The following EYA3 variants were observed in gnomAD, a reference collection of about 807,000 sequenced individuals.
EYA3 encodes the protein EYA transcriptional coactivator and phosphatase 3.
Under a neutral mutation model 80.0 loss-of-function variants are expected in EYA3, and 39 were observed. That is an observed-to-expected ratio of 0.49 (90% CI 0.38 to 0.64). The LOEUF is 0.64. Among genes scored for constraint, EYA3 ranks in the 30% least tolerant of loss-of-function variants. The pLI, the probability that EYA3 is intolerant of heterozygous loss-of-function variation, is 0.00. For missense variants in EYA3, 523 were observed against 676.1 expected, an observed-to-expected ratio of 0.77 and a Z score of 2.51; for synonymous variants, 206 against 232.8, an observed-to-expected ratio of 0.88 and a Z score of 1.05.
At chr1:28,068,546 A>T (rs1644913274) in intron 1 of EYA3, among the ~76,000 whole-genome samples, 1 of 151,946 alleles carries the variant, frequency 6.6e-6, no homozygotes, top group Non-Finnish European at 1.5e-5. Context: ...TCCAAAAATA[A>T]CATTCCTTTT....
At chr1:28,050,605 A>G (rs1644209910) in intron 2 of EYA3, among the ~76,000 whole-genome samples, 1 of 152,148 alleles carries the variant, frequency 6.6e-6, no homozygotes, top group Non-Finnish European at 1.5e-5. Flanking sequence ...CATAAATAGA[A>G]AGGGAGAAAA....
chr1:28,021,341 T>TAA (rs920789447), intron 7 of EYA3, among the ~76,000 whole-genome samples: 1 of 152,214 alleles, frequency 6.6e-6, no homozygotes, highest in Non-Finnish European at 1.5e-5. Context: ...TTTGACCTAT[T>TAA]AAAACCAAGA....
intron 17 of EYA3, chr1:27,977,431 A>AG: frequency 6.5e-7 from 1 of 1,532,764 alleles, no homozygotes; most frequent in African/African-American, 1.4e-5. Flanking sequence ...AAGAACTTCT[A>AG]CAGATCCATT....
intron 1 of EYA3, among the ~76,000 whole-genome samples, chr1:28,070,961 C>T (rs910010447): frequency 3.3e-5 from 5 of 152,168 alleles, no homozygotes; most frequent in African/African-American, 9.7e-5. Flanking sequence ...CTCCCTCTAT[C>T]ACCCAGGCTG....
At chr1:28,022,381 C>T (rs1008967409) in intron 7 of EYA3, among the ~76,000 whole-genome samples, 1 of 151,986 alleles carries the variant, frequency 6.6e-6, no homozygotes, top group African/African-American at 2.4e-5. Flanking sequence ...ATCTCCTGAC[C>T]TCGTGATCTG....
chr1:28,001,493 A>G (rs1021027113), intron 11 of EYA3, among the ~76,000 whole-genome samples: 1 of 144,328 alleles, frequency 6.9e-6, no homozygotes. Context: ...TCACGCCTGT[A>G]ATCGCAGCAC....
rs1309527502 is a variant in EYA3 at position 27,978,457 on chromosome 1, C to T, written c.1558G>A (p.Glu520Lys). The change falls in exon 17 of 18, where the codon GAG becomes AAG. Residue 520 changes from glutamate to lysine, a missense_variant. Around this residue, in one of 2 missense-constraint regions of EYA3, gnomAD observed 219 missense variants for 332.8 expected, o/e 0.66. Transcript: ENST00000373871. Reference protein sequence around the residue: ...ATKIGKESCFERIVSRFGKKV... With the variant: ...ATKIGKESCFKRIVSRFGKKV... ...TTTCCAAACCTTGACACAATTCTCT[C>T]AAAGCAGCTCTCCTTACCTGATGAG... 3.1e-6 allele frequency: 5 copies of T among 1,613,886 alleles called. No individual in the cohort carries two copies. The highest frequency in any genetic ancestry group is 4.2e-6 in the Non-Finnish European group (5 of 1,179,912).
intron 5 of EYA3, among the ~76,000 whole-genome samples, chr1:28,036,448 C>T (rs1037959656): frequency 4.6e-5 from 7 of 152,212 alleles, no homozygotes; most frequent in Admixed American, 3.9e-4. Context: ...ACTGGAAAAG[C>T]GGGTGAGGCT....
chr1:27,993,610 T>G (rs1314599582), intron 13 of EYA3, 50 bp from the exon 14 acceptor site: 2 of 1,478,906 alleles, frequency 1.4e-6, no homozygotes, highest in Non-Finnish European at 1.8e-6. Context: ...GCATAAAGTT[T>G]TTGTTTGAGT....
intron 15 of EYA3, 38 bp downstream of exon 15, chr1:27,989,659 C>T (rs755291908): frequency 3.1e-5 from 42 of 1,339,664 alleles, no homozygotes; most frequent in Non-Finnish European, 3.9e-5. Context: ...AAGAATATGT[C>T]GCTGAGAGGA....
chr1:27,985,068 CTTCAA>C (rs10574674), intron 16 of EYA3, among the ~76,000 whole-genome samples: 10,293 of 151,984 alleles, frequency 0.068, 603 homozygotes, highest in East Asian at 0.25. Flanking sequence ...TAAAAACAAT[CTTCAA>C]TTCAATTCTC....
intron 11 of EYA3, among the ~76,000 whole-genome samples, chr1:28,002,895 C>G (rs1368581688): frequency 4.6e-5 from 7 of 151,622 alleles, no homozygotes; most frequent in Non-Finnish European, 7.4e-5. Context: ...CCGAGGCAGG[C>G]GGATCACTTG....
At chr1:28,057,302 C>A in intron 2 of EYA3, among the ~76,000 whole-genome samples, 1 of 152,140 alleles carries the variant, frequency 6.6e-6, no homozygotes. Context: ...CATGCTGTAT[C>A]CTCTCTTAAT....
At chr1:28,016,672 A>G (rs940423539) in intron 8 of EYA3, among the ~76,000 whole-genome samples, 6 of 152,172 alleles carry the variant, frequency 3.9e-5, no homozygotes, top group Admixed American at 3.9e-4. Flanking sequence ...AAAAAACTCT[A>G]GAACACTGAA....
intron 13 of EYA3, among the ~76,000 whole-genome samples, chr1:27,994,917 T>C (rs1247703794): frequency 1.3e-5 from 2 of 151,332 alleles, no homozygotes; most frequent in Non-Finnish European, 1.5e-5. Context: ...GAACTATGAT[T>C]GCACCATTGC....
At chr1:28,011,646 A>G (rs561725944) in intron 9 of EYA3, among the ~76,000 whole-genome samples, 96 of 152,230 alleles carry the variant, frequency 6.3e-4, no homozygotes, top group Non-Finnish European at 1.3e-3. Context: ...TTATGAGGAT[A>G]TAACTGTCAA....
At chr1:27,988,422 T>A (rs1639810257) in intron 16 of EYA3, 113 bp downstream of exon 16, 1 of 1,166,210 alleles carries the variant, frequency 8.6e-7, no homozygotes, top group Non-Finnish European at 1.2e-6. Context: ...TTGTGAGGAC[T>A]GTAGGTATTA....
chr1:28,076,898 G>A (rs909243939), intron 1 of EYA3, among the ~76,000 whole-genome samples: 42 of 144,574 alleles, frequency 2.9e-4, no homozygotes, highest in African/African-American at 9.4e-4. Context: ...GCGCCACCAC[G>A]CCTGGCTAAT....
At chr1:27,991,886 C>T (rs1039840486) in intron 14 of EYA3, among the ~76,000 whole-genome samples, 2 of 152,206 alleles carry the variant, frequency 1.3e-5, no homozygotes, top group South Asian at 4.1e-4. Flanking sequence ...GATAAAGAGA[C>T]TCAGGCTGTA....
Sources: allele counts gnomAD v4.1 joint callset (sites outside exome capture counted in the v4.1 genomes callset), GRCh38; gene constraint gnomAD v4.1.1; regional missense constraint gnomAD v4.1.1; transcripts MANE v1.5; gene names NCBI Gene and HGNC (gene_info 2026-07-23, HGNC 2026-07-21).